Variants in NGLY1 observed in about 807,000 individuals in gnomAD.
The protein encoded by NGLY1 is peptide-N(4)-(N-acetyl-beta-glucosaminyl)asparagine amidase.
NGLY1 carries 68 observed loss-of-function variants against 84.6 expected under a neutral mutation model. The observed-to-expected ratio is 0.80, with a 90% CI of 0.66 to 0.98. The LOEUF is 0.98. NGLY1 is among the 50% of genes least tolerant of loss of function. The pLI is 0.00. For synonymous variants in NGLY1, 280 were observed against 275.2 expected (o/e 1.02, Z -0.17); for missense variants, 779 against 770.2 (o/e 1.01, Z -0.14).
intron 4 of NGLY1, among the ~76,000 whole-genome samples, chr3:25,740,715 C>T (rs1302545225): frequency 6.6e-6 from 1 of 151,772 alleles, no homozygotes; most frequent in Non-Finnish European, 1.5e-5. Context: ...GTAAAAAGGC[C>T]AGAAATATTT....
At chr3:25,774,129 C>G (rs1237953503) in intron 2 of NGLY1, among the ~76,000 whole-genome samples, 2 of 152,182 alleles carry the variant, frequency 1.3e-5, no homozygotes, top group Non-Finnish European at 2.9e-5. Flanking sequence ...CGATTGGACT[C>G]AAGACCTCTG....
chr3:25,753,562 C>A (rs925324482), intron 3 of NGLY1, among the ~76,000 whole-genome samples: 3 of 151,896 alleles, frequency 2.0e-5, no homozygotes, highest in Non-Finnish European at 4.4e-5. Flanking sequence ...GGAAAGGTAG[C>A]AAGGAAGGGA....
chr3:25,750,806 A>C (rs1305251754), intron 4 of NGLY1, among the ~76,000 whole-genome samples: 1 of 152,214 alleles, frequency 6.6e-6, no homozygotes, highest in Non-Finnish European at 1.5e-5. Flanking sequence ...AAGGCACTAC[A>C]ACTGTCCCTC....
intron 1 of NGLY1, among the ~76,000 whole-genome samples, chr3:25,782,471 G>C (rs1433273525): frequency 1.3e-5 from 2 of 152,222 alleles, no homozygotes; most frequent in Non-Finnish European, 1.5e-5. Context: ...GAAGAGTTGA[G>C]GTGGGTACTT....
chr3:25,752,965 G>A (rs1053024624), intron 3 of NGLY1, among the ~76,000 whole-genome samples: 4 of 151,850 alleles, frequency 2.6e-5, no homozygotes, highest in Non-Finnish European at 5.9e-5. Flanking sequence ...AGACATTGAG[G>A]ATAAATCCAA....
chr3:25,737,566 G>A lies in NGLY1; in HGVS notation c.882-111C>T, dbSNP rs989921602. ...TTAATTTTTTTTTTTTTTTTGAGACGGAGTCTTGCTCTGTCACCCAGGCTG... is the reference window on the plus strand; with the variant it reads ...TTAATTTTTTTTTTTTTTTTGAGACAGAGTCTTGCTCTGTCACCCAGGCTG... On this transcript the variant is annotated intron_variant, in intron 5 of 11. Transcript: ENST00000280700. 1.0e-4 allele frequency: 102 copies of A among 981,734 alleles called. 1 individual carries two copies. The South Asian group carries it at 1.6e-3, about 15-fold the overall frequency. 60.8% of individuals were successfully genotyped at this position (981,734 alleles called of 1,614,324 possible). A position where few individuals can be genotyped will look rare whatever the true frequency, so the allele number is the denominator to read the frequency against.
chr3:25,770,335 G>A (rs1028439878), intron 2 of NGLY1, among the ~76,000 whole-genome samples: 2 of 152,076 alleles, frequency 1.3e-5, no homozygotes, highest in African/African-American at 4.8e-5. Flanking sequence ...TTTTAGTAGA[G>A]ATGGGGTTTC....
At position 25,739,769 on chromosome 3, in the gene NGLY1, A is replaced by G. The variant is rs2125485644; in HGVS notation, c.689T>C (p.Leu230Ser). The change falls in exon 5 of 12, where the codon TTG (leucine) becomes TCG (serine). Residue 230 changes from leucine to serine, a missense_variant. Coordinates refer to ENST00000280700, the MANE Select transcript of NGLY1 (RefSeq NM_018297.4). ...GINISDEDFLLLELLHWFKEE... is the reference protein window; with the variant it reads ...GINISDEDFLSLELLHWFKEE... Reference sequence around the variant, plus strand: ...CTTAAACCAGTGCAAAAGCTCCAGCAAAAGAAAATCCTCATCACTTATATT... The same window carrying G: ...CTTAAACCAGTGCAAAAGCTCCAGCGAAAGAAAATCCTCATCACTTATATT... 3 of 1,614,060 alleles carry G rather than the reference A, an allele frequency of 1.9e-6. No homozygotes were observed. Among genetic ancestry groups the G allele is most frequent in the Non-Finnish European group, 2.5e-6 (3 of 1,179,990 alleles).
intron 9 of NGLY1, chr3:25,730,346 A>T (rs942440021): frequency 1.4e-4 from 22 of 152,086 alleles, no homozygotes; most frequent in African/African-American, 5.1e-4. Context: ...GGAAAAAATG[A>T]TTTCTTTTTA....
intron 5 of NGLY1, among the ~76,000 whole-genome samples, chr3:25,738,184 T>C (rs2125481374): frequency 6.6e-6 from 1 of 152,338 alleles, no homozygotes; most frequent in Admixed American, 6.5e-5. Context: ...TCACTGTATT[T>C]AAAAGGTAAA....
At chr3:25,779,773 A>G (rs1344436659) in intron 1 of NGLY1, among the ~76,000 whole-genome samples, 1 of 152,218 alleles carries the variant, frequency 6.6e-6, no homozygotes, top group Admixed American at 6.5e-5. Context: ...TCAATTGCCT[A>G]TTGGCCAAAG....
At chr3:25,721,276 A>T (rs936979760) in intron 10 of NGLY1, among the ~76,000 whole-genome samples, 3 of 152,140 alleles carry the variant, frequency 2.0e-5, no homozygotes, top group Non-Finnish European at 4.4e-5. Flanking sequence ...TATGTTGCCC[A>T]GGCTGGTCTT....
At chr3:25,759,646 T>A (rs1303525951) in intron 3 of NGLY1, among the ~76,000 whole-genome samples, 2 of 152,186 alleles carry the variant, frequency 1.3e-5, no homozygotes, top group Non-Finnish European at 2.9e-5. Flanking sequence ...TTACAGCAGC[T>A]GGGTAACCAT....
intron 3 of NGLY1, among the ~76,000 whole-genome samples, chr3:25,761,294 G>A (rs1244468827): frequency 1.3e-5 from 2 of 152,132 alleles, no homozygotes; most frequent in East Asian, 3.8e-4. Context: ...ATAAAGTTGT[G>A]AAGCTGGAAA....
At chr3:25,759,920 ACACACACACACAC>A (rs1707226084) in intron 3 of NGLY1, among the ~76,000 whole-genome samples, 1 of 134,886 alleles carries the variant, frequency 7.4e-6, no homozygotes, top group Non-Finnish European at 1.5e-5. Context: ...TTAAAAAAAC[ACACACACACACAC>A]ACACACACAC....
chr3:25,780,604 A>C (rs553241302), intron 1 of NGLY1, among the ~76,000 whole-genome samples: 1 of 152,260 alleles, frequency 6.6e-6, no homozygotes, highest in Non-Finnish European at 1.5e-5. Context: ...TATAAAATAC[A>C]CATCAGTTCT....
At chr3:25,736,236 T>C (rs1705813620) in intron 6 of NGLY1, 87 bp from the exon 7 acceptor site, 1 of 1,560,750 alleles carries the variant, frequency 6.4e-7, no homozygotes, top group Non-Finnish European at 8.7e-7. Flanking sequence ...CTCCTAAGAA[T>C]CATAAAGTAA....
intron 6 of NGLY1, 57 bp downstream of exon 6, chr3:25,737,277 C>A: frequency 6.9e-7 from 1 of 1,454,578 alleles, no homozygotes. Context: ...AGAATGTAAA[C>A]CCAAACCTGC....
chr3:25,771,806 G>C (rs1472961916), intron 2 of NGLY1, among the ~76,000 whole-genome samples: 2 of 152,126 alleles, frequency 1.3e-5, no homozygotes, highest in African/African-American at 2.4e-5. Context: ...ATTGTAAAAG[G>C]AGTTGAGTTC....
Sources: allele counts gnomAD v4.1 joint callset (sites outside exome capture counted in the v4.1 genomes callset), GRCh38; gene constraint gnomAD v4.1.1; transcripts MANE v1.5; gene names NCBI Gene and HGNC (gene_info 2026-07-23, HGNC 2026-07-21).